C3: variants seen among roughly 807,000 people sequenced by gnomAD.
C3 encodes the protein C3 and PZP-like alpha-2-macroglobulin domain-containing protein 1.
C3 carries 97 observed loss-of-function variants against 207.9 expected under a neutral mutation model. That is an observed-to-expected ratio of 0.47 (90% confidence interval 0.40 to 0.55). The LOEUF is 0.55. C3 is among the 20% of genes least tolerant of loss of function. C3 has a pLI of 0.00. For missense variants in C3, 1,684 were observed against 2,171.7 expected (o/e 0.78, Z 4.46); for synonymous variants, 848 against 857.6 (o/e 0.99, Z 0.20).
At chr19:6,685,293 G>A (rs2241393) in intron 29 of C3, 147 bp from the exon 30 acceptor site, 1 of 739,692 alleles carries the variant, frequency 1.4e-6, no homozygotes, top group Non-Finnish European at 2.4e-6. Context: ...ATAACTGGAG[G>A]TCACTGGACT....
intron 19 of C3, 79 bp downstream of exon 19, chr19:6,702,048 T>G: frequency 3.7e-6 from 3 of 812,834 alleles, no homozygotes; most frequent in Non-Finnish European, 4.4e-6. Flanking sequence ...TAGGGTTGAT[T>G]GAGTTTGGAT....
At chr19:6,688,087 G>A (rs890698637) in intron 27 of C3, among the ~76,000 whole-genome samples, 2 of 149,942 alleles carry the variant, frequency 1.3e-5, no homozygotes, top group Admixed American at 6.7e-5. Flanking sequence ...CTCGTGATCC[G>A]CCCACCTCGG....
At position 6,713,491 on chromosome 19, in the gene C3, T is replaced by C. The variant is rs761897355; in HGVS notation, c.792A>G (p.Lys264=). 3.7e-6 allele frequency: 6 copies of C among 1,613,462 alleles called. No individual in the cohort carries two copies. Among genetic ancestry groups the C allele is most frequent in the Admixed American group, 1.7e-5 (1 of 59,976 alleles). ...AGATGACAAAGGCAGTTCCCTCCAC[T>C]TTCTTCCCGTAGAGGAACCTACGGG... ...TITARFLYGK[K]VEGTAFVIFG... Residue 264 remains lysine (K), a synonymous_variant, in exon 8 of 41, where the codon AAA becomes AAG. Transcript: ENST00000245907.
chr19:6,685,918 C>A (rs1917993187), intron 29 of C3, among the ~76,000 whole-genome samples: 1 of 152,210 alleles, frequency 6.6e-6, no homozygotes, highest in South Asian at 2.1e-4. Context: ...GAAGGCTCAA[C>A]ACACAGCTTG....
rs344554 is a variant in C3 at position 6,679,501 on chromosome 19, G to A, written c.4457-5C>T. The A allele has an allele frequency of 1.7e-3, 2,682 of 1,595,722 alleles. 45 individuals carry two copies. The African/African-American group carries it at 0.031, about 18-fold the overall frequency. On this transcript the variant is annotated splice_region_variant and splice_polypyrimidine_tract_variant and intron_variant, in intron 36 of 40. Coordinates refer to ENST00000245907, the MANE Select transcript of C3 (RefSeq NM_000064.4). Reference sequence around the variant, plus strand: ...AGAACCGGGTACAGCTTTCCTCTGCGGGCAGATGTGATGTGAAGATGAGAG... The same window carrying A: ...AGAACCGGGTACAGCTTTCCTCTGCAGGCAGATGTGATGTGAAGATGAGAG...
Position 6,679,217 on chromosome 19 carries a change from TGG to T in C3, c.4547-11_4547-10del. ...TTGTATGAAGCAATTCTCTGCAGGG[TGG>T]GGTGGAGACAGGGTCTAAGTCCCAC... is the stretch of plus-strand genomic sequence containing the variant. On this transcript the variant is annotated splice_polypyrimidine_tract_variant and intron_variant, in intron 37 of 40. Coordinates refer to ENST00000245907, the MANE Select transcript of C3 (RefSeq NM_000064.4). 1 of 1,613,008 alleles carries T rather than the reference TGG, an allele frequency of 6.2e-7. No individual in the cohort carries two copies. The highest frequency in any genetic ancestry group is 1.7e-4 in the Middle Eastern group (1 of 6,060).
chr19:6,711,542 TC>T lies in C3; in HGVS notation c.1270-347del, dbSNP rs1568225475. Among the ~76,000 whole-genome samples the T allele has an allele frequency of 2.6e-5, 4 of 152,098 alleles. No individual in the cohort carries two copies. In the South Asian group the frequency reaches 8.3e-4, roughly 32 times the overall value. On this transcript the variant is annotated intron_variant, in intron 11 of 40. Coordinates refer to ENST00000245907, the MANE Select transcript of C3 (RefSeq NM_000064.4). ...CTGGAAAAAGCAAGGGAGCGAACTT[TC>T]CCCCAGAGCCAGGACTTCTGACCTC... is the stretch of plus-strand genomic sequence containing the variant.
chr19:6,689,335 C>CT lies in C3; in HGVS notation c.3489+1293_3489+1294insA, dbSNP rs1918100931. Among the ~76,000 whole-genome samples the CT allele has an allele frequency of 2.8e-4, 17 of 59,858 alleles. 1 individual carries two copies. The highest frequency in any genetic ancestry group is 1.2e-3 in the African/African-American group (15 of 12,766). The allele number at this position is 59,858 out of a possible 152,430, so 39.3% of individuals were successfully genotyped here. Reference sequence around the variant, plus strand: ...TCTCTCTCTCTCTACCTACCTCCCTCCCTCCCTCCCTCCCTCCCTCCCTCC... The same window carrying CT: ...TCTCTCTCTCTCTACCTACCTCCCTCTCCTCCCTCCCTCCCTCCCTCCCTCC... On this transcript the variant is annotated intron_variant, in intron 27 of 40. Transcript: ENST00000245907.
chr19:6,719,493 C>A lies in C3; in HGVS notation c.75-90G>T. 3 of 1,198,658 alleles carry A rather than the reference C, an allele frequency of 2.5e-6. No individual in the cohort carries two copies. The highest frequency in any genetic ancestry group is 2.4e-6 in the Non-Finnish European group (2 of 821,716). 74.3% of individuals were successfully genotyped at this position (1,198,658 alleles called of 1,614,324 possible). A position where few individuals can be genotyped will look rare whatever the true frequency, so the allele number is the denominator to read the frequency against. Reference sequence around the variant, plus strand: ...GAGTCAGCGCCTGGCAGGCTGTGTGCCCCAGCCTCTGGTCCTGGAGAGGAT... The same window carrying A: ...GAGTCAGCGCCTGGCAGGCTGTGTGACCCAGCCTCTGGTCCTGGAGAGGAT... On this transcript the variant is annotated intron_variant, in intron 1 of 40. Coordinates refer to ENST00000245907, the MANE Select transcript of C3 (RefSeq NM_000064.4). The surrounding 1 kb of genome is among the most constrained non-coding windows in gnomAD (Gnocchi z 5.4).
rs11569507 is a variant in C3 at position 6,690,794 on chromosome 19, T to C, written c.3391-67A>G. 142,225 of 1,244,224 alleles carry C rather than the reference T, an allele frequency of 0.11. 9,033 individuals carry two copies. Among genetic ancestry groups the C allele is most frequent in the Non-Finnish European group, 0.12 (102,248 of 852,104 alleles). 77.1% of individuals were successfully genotyped at this position (1,244,224 alleles called of 1,614,324 possible). On this transcript the variant is annotated intron_variant, in intron 26 of 40. Coordinates refer to ENST00000245907, the MANE Select transcript of C3 (RefSeq NM_000064.4). ...GTCCACACATGGCAGTCATCCCCCC[T>C]TGCAGATTCAGAATCAGGGGGTCTG...
chr19:6,710,569 A>T, intron 13 of C3, 70 bp downstream of exon 13: 1 of 1,152,654 alleles, frequency 8.7e-7, no homozygotes, highest in Non-Finnish European at 1.2e-6. Context: ...GAGAGAGGAG[A>T]CAGGGAGAGA....
At chr19:6,706,603 C>A (rs1967777944) in intron 17 of C3, among the ~76,000 whole-genome samples, 1 of 151,946 alleles carries the variant, frequency 6.6e-6, no homozygotes, top group Non-Finnish European at 1.5e-5. Flanking sequence ...ACAGAGGCCT[C>A]CTCCTACCCT....
Position 6,710,845 on chromosome 19 carries a change from T to G in C3, c.1480A>C (p.Ile494Leu). 1 of 1,613,326 alleles carries G rather than the reference T, an allele frequency of 6.2e-7. No individual in the cohort carries two copies. The highest frequency in any genetic ancestry group is 8.5e-7 in the Non-Finnish European group (1 of 1,179,468). The change falls in exon 13 of 41, where the codon ATC becomes CTC. Residue 494 changes from isoleucine to leucine, a missense_variant and splice_region_variant. Around this residue, in one of 3 missense-constraint regions of C3, gnomAD observed 1,280 missense variants for 1,739.1 expected, o/e 0.74. Coordinates refer to ENST00000245907, the MANE Select transcript of C3 (RefSeq NM_000064.4). ...TTCAACAGCCTGCCCTTGTTCATGA[T>G]CTGGGGGGACAGGCTGGCATCAGGC... ...EAKIRYYTYL[I>L]MNKGRLLKAG...
chr19:6,684,399 C>G lies in C3; in HGVS notation c.4161G>C (p.Glu1387Asp). 6.2e-7 allele frequency: 1 copy of G among 1,613,954 alleles called. No homozygotes were observed. Among genetic ancestry groups the G allele is most frequent in the Non-Finnish European group, 8.5e-7 (1 of 1,179,810 alleles). Reference protein sequence around the residue: ...PQDAKNTMILEICTRYRGDQD... With the variant: ...PQDAKNTMILDICTRYRGDQD... ...ACCTAGCTTCTTACCTGGTACAGAT[C>G]TCAAGGATCATAGTGTTCTTGGCAT... Residue 1387 changes from glutamate to aspartate, a missense_variant, in exon 33 of 41, where the codon GAG (glutamate) becomes GAC (aspartate). By Grantham distance (45) the Glu-to-Asp change is conservative. Around this residue, in one of 3 missense-constraint regions of C3, gnomAD observed 346 missense variants for 380.1 expected, o/e 0.91. Coordinates refer to ENST00000245907, the MANE Select transcript of C3 (RefSeq NM_000064.4).
At chr19:6,680,703 G>T (rs753955506) in intron 35 of C3, among the ~76,000 whole-genome samples, 28 of 152,160 alleles carry the variant, frequency 1.8e-4, no homozygotes, top group Non-Finnish European at 3.8e-4. Flanking sequence ...GTTGTGTTAA[G>T]ACCCCATATT....
chr19:6,681,565 A>G lies in C3; in HGVS notation c.4350+376T>C, dbSNP rs1917860715. ...TGTCTCCTGAAAGAAAGAAAACAAC[A>G]GAAGAGAGAAATAGATCAAAGAAAG... On this transcript the variant is annotated intron_variant, in intron 35 of 40. Transcript: ENST00000245907. 2.6e-5 allele frequency among the ~76,000 whole-genome samples: 4 copies of G among 151,938 alleles called. No homozygotes were observed. The South Asian group carries it at 8.3e-4, about 32-fold the overall frequency.
rs755309634 is a variant in C3 at position 6,696,388 on chromosome 19, G to T, written c.2941C>A (p.Leu981Ile). 4 of 1,611,014 alleles carry T rather than the reference G, an allele frequency of 2.5e-6. No individual in the cohort carries two copies. The highest frequency in any genetic ancestry group is 1.7e-4 in the Middle Eastern group (1 of 6,046). The change falls in exon 23 of 41, where the codon CTC (leucine) becomes ATC (isoleucine). Residue 981 changes from leucine (L) to isoleucine (I), a missense_variant. Transcript: ENST00000245907. ...GTCAAGGGTGTCTCACCTTGCAGGA[G>T]AATTCTGGTCTCAGACTCGGTGTCC... The part of the protein sequence containing the change: ...VPDTESETRI[L>I]LQGTPVAQMT...
At chr19:6,678,513 C>A in intron 38 of C3, 58 bp from the exon 39 acceptor site, 1 of 1,490,274 alleles carries the variant, frequency 6.7e-7, no homozygotes, top group Non-Finnish European at 9.3e-7. Flanking sequence ...GAGGGGCACC[C>A]TGGTTTGCAA....
chr19:6,692,797 C>G (rs968428987), intron 26 of C3, 127 bp downstream of exon 26: 6 of 1,200,464 alleles, frequency 5.0e-6, no homozygotes, highest in Middle Eastern at 2.4e-4. Context: ...CTGCCCCCAC[C>G]CCCCAGCCCA....
Sources: gnomAD v4.1 joint callset for allele counts (sites outside exome capture counted in the v4.1 genomes callset) on GRCh38, gnomAD v4.1.1 for gene constraint, gnomAD v4.1.1 regional missense constraint, Gnocchi (gnomAD v3.1) non-coding constraint, MANE v1.5 for transcripts, NCBI Gene and HGNC (gene_info 2026-07-23, HGNC 2026-07-21) for gene names.